Variants in ZNF506 observed in about 807,000 individuals in gnomAD.
The protein encoded by ZNF506 is zinc finger protein 506.
Under a neutral mutation model 11.6 loss-of-function variants are expected in ZNF506, and 10 were observed. That is an observed-to-expected ratio of 0.86 (90% CI 0.53 to 1.46). The LOEUF is 1.46. Ranked by LOEUF, ZNF506 falls within the 40% of genes most tolerant of loss-of-function variation. The pLI is 0.00. For missense variants in ZNF506, 425 were observed against 521.2 expected (o/e 0.82, Z 1.80); for synonymous variants, 156 against 173.3 (o/e 0.90, Z 0.78).
In ZNF506 at chr19:19,794,783, G is replaced by A. The variant is rs558062642; in HGVS notation, c.1104C>T (p.Pro368=). 2 of 1,613,614 alleles carry A rather than the reference G, an allele frequency of 1.2e-6. No homozygotes were observed. Among genetic ancestry groups the A allele is most frequent in the South Asian group, 1.1e-5 (1 of 91,060 alleles). ...KHKRAHTGEK[P]YKCEECGKAF... is the part of the protein sequence containing the mutation. The stretch of plus-strand genomic sequence containing the variant: ...CTTTGCCACATTCTTCACACTTGTA[G>A]GGTTTCTCTCCAGTATGAGCTCTCT... Residue 368 remains proline, a synonymous_variant, in exon 4 of 4, where the codon CCC becomes CCT. Transcript: ENST00000540806.
chr19:19,819,074 C>T (rs932406325), intron 1 of ZNF506, among the ~76,000 whole-genome samples: 4 of 152,156 alleles, frequency 2.6e-5, no homozygotes, highest in Admixed American at 2.0e-4. Flanking sequence ...CCCACCCCAT[C>T]CTGTTCAGGT....
chr19:19,811,793 G>A (rs946282885), intron 1 of ZNF506, among the ~76,000 whole-genome samples: 4 of 151,990 alleles, frequency 2.6e-5, no homozygotes. Context: ...ATAAAAAAAA[G>A]GAAATTATAA....
intron 3 of ZNF506, chr19:19,798,059 T>C (rs1162838094): frequency 1.3e-5 from 2 of 152,148 alleles, no homozygotes; most frequent in Non-Finnish European, 1.5e-5. Context: ...TCTGAAGATA[T>C]GTAAGTTTCT....
Position 19,794,889 on chromosome 19 carries a change from C to T in ZNF506, c.998G>A (p.Arg333Lys), listed in dbSNP as rs759234038. 2.5e-6 allele frequency: 4 copies of T among 1,612,016 alleles called. No homozygotes were observed. In the South Asian group the frequency reaches 3.3e-5, roughly 13 times the overall value. ...NRSSNLTKHK[R>K]IHTGDVPYKC... is the part of the protein sequence containing the mutation. ...GTAGGGTACATCTCCAGTATGAATT[C>T]TCTTATGTTTAGTAAGGTTTGAGGA... The change falls in exon 4 of 4, where the codon AGA becomes AAA. Residue 333 changes from arginine to lysine, a missense_variant. Coordinates refer to ENST00000540806, the MANE Select transcript of ZNF506 (RefSeq NM_001099269.3).
At chr19:19,806,000 G>T in intron 3 of ZNF506, 31 bp downstream of exon 3, 1 of 1,554,736 alleles carries the variant, frequency 6.4e-7, no homozygotes, top group Non-Finnish European at 8.8e-7. Flanking sequence ...TATCTGTGTT[G>T]TCTGTCCTAT....
intron 3 of ZNF506, chr19:19,798,231 CAA>C (rs1187887106): frequency 6.6e-6 from 1 of 151,980 alleles, no homozygotes; most frequent in Non-Finnish European, 1.5e-5. Context: ...AAATCAATAA[CAA>C]ATGTGAAGGT....
chr19:19,800,549 T>C (rs1374177263), intron 3 of ZNF506, among the ~76,000 whole-genome samples: 3 of 151,412 alleles, frequency 2.0e-5, no homozygotes, highest in Non-Finnish European at 4.4e-5. Context: ...CCTGAGTAGC[T>C]GGGACTACAG....
intron 3 of ZNF506, among the ~76,000 whole-genome samples, chr19:19,801,114 T>C (rs1467422006): frequency 1.3e-5 from 2 of 150,314 alleles, no homozygotes; most frequent in African/African-American, 4.9e-5. Context: ...AAGCTAAGAT[T>C]ATGCCATTGT....
At chr19:19,821,547 C>T in intron 1 of ZNF506, 54 bp downstream of exon 1, 1 of 1,613,476 alleles carries the variant, frequency 6.2e-7, no homozygotes, top group Non-Finnish European at 8.5e-7. Context: ...CACTTCCTCC[C>T]CAGTTCCAAC....
intron 1 of ZNF506, among the ~76,000 whole-genome samples, chr19:19,808,012 T>C (rs2062848757): frequency 6.6e-6 from 1 of 150,726 alleles, no homozygotes; most frequent in East Asian, 1.9e-4. Flanking sequence ...TGATGGTTTA[T>C]GCACATCAGC....
chr19:19,816,965 T>G, intron 1 of ZNF506, among the ~76,000 whole-genome samples: 1 of 151,248 alleles, frequency 6.6e-6, no homozygotes, highest in Non-Finnish European at 1.5e-5. Flanking sequence ...GCCTGCCTAA[T>G]TTTTTTTGTA....
chr19:19,808,270 C>T (rs1374615992), intron 1 of ZNF506, among the ~76,000 whole-genome samples: 3 of 150,992 alleles, frequency 2.0e-5, no homozygotes, highest in African/African-American at 7.3e-5. Context: ...ACTACAGGCA[C>T]CCGCCACCAG....
In ZNF506 at chr19:19,797,436, G is replaced by GAAAAAA. The variant is rs77600495; in HGVS notation, c.227-1782_227-1777dup. Reference sequence around the variant, plus strand: ...ACTCCAGGGCGAGACTCCGTCTCAGGAAAAAAAAAAAAAAAAAAACAAATA... The same window carrying GAAAAAA: ...ACTCCAGGGCGAGACTCCGTCTCAGGAAAAAAAAAAAAAAAAAAAAAAAAACAAATA... On this transcript the variant is annotated intron_variant, in intron 3 of 3. Transcript: ENST00000540806. 3 of 95,658 alleles carry GAAAAAA rather than the reference G, an allele frequency of 3.1e-5. No individual in the cohort carries two copies. The South Asian group carries it at 1.1e-3, about 36-fold the overall frequency. The allele number at this position is 95,658 out of a possible 1,614,324, so 5.9% of individuals were successfully genotyped here. A position where few individuals can be genotyped will look rare whatever the true frequency, so the allele number is the denominator to read the frequency against.
chr19:19,799,947 A>G (rs919226159), intron 3 of ZNF506, among the ~76,000 whole-genome samples: 14 of 152,178 alleles, frequency 9.2e-5, no homozygotes, highest in Non-Finnish European at 2.1e-4. Flanking sequence ...GAATTAAAAC[A>G]ATTTGGTATG....
At chr19:19,803,388 T>C (rs1050570354) in intron 3 of ZNF506, among the ~76,000 whole-genome samples, 26 of 152,172 alleles carry the variant, frequency 1.7e-4, no homozygotes, top group African/African-American at 4.6e-4. Flanking sequence ...TCTGCCTACA[T>C]AGAAACCCAC....
chr19:19,801,764 C>G (rs2062795472), intron 3 of ZNF506, among the ~76,000 whole-genome samples: 1 of 151,484 alleles, frequency 6.6e-6, no homozygotes, highest in African/African-American at 2.4e-5. Flanking sequence ...GCAATCCAGC[C>G]TGGGTGACAG....
chr19:19,806,059 C>T lies in ZNF506; in HGVS notation c.198G>A (p.Lys66=). 1 of 1,610,156 alleles carries T rather than the reference C, an allele frequency of 6.2e-7. No homozygotes were observed. Residue 66 remains lysine, a synonymous_variant, in exon 3 of 4, where the codon AAG becomes AAA. Transcript: ENST00000540806. Reference sequence around the variant, plus strand: ...GGGGTTTGGCAATCATCTCATGCCTCTTCATAGTTAAAGGTTTTTTTCCTT... The same window carrying T: ...GGGGTTTGGCAATCATCTCATGCCTTTTCATAGTTAAAGGTTTTTTTCCTT... ...LEQGKKPLTM[K]RHEMIAKPPV... is the part of the protein sequence containing the mutation.
intron 3 of ZNF506, among the ~76,000 whole-genome samples, chr19:19,799,849 AAGAC>A (rs58264358): frequency 0.17 from 25,663 of 150,040 alleles, 2,448 homozygotes; most frequent in East Asian, 0.42. Context: ...GGAATCTAAA[AAGAC>A]AAAGTACCCA....
At position 19,794,015 on chromosome 19, in the gene ZNF506, A is replaced by G. The variant is rs1185516115; in HGVS notation, c.*537T>C. ...TGAATTATCGCCATGTCTCTTAAGA[A>G]TTGAGAACTTGTGGCTGGGCGTCGT... is the stretch of plus-strand genomic sequence containing the variant. On this transcript the variant is annotated 3_prime_UTR_variant, in exon 4 of 4. Transcript: ENST00000540806. 6.5e-6 allele frequency: 1 copy of G among 155,014 alleles called. No homozygotes were observed. The highest frequency in any genetic ancestry group is 1.4e-5 in the Non-Finnish European group (1 of 70,296). 9.6% of individuals were successfully genotyped at this position (155,014 alleles called of 1,614,324 possible).
Sources: gnomAD v4.1 joint callset for allele counts (sites outside exome capture counted in the v4.1 genomes callset) on GRCh38, gnomAD v4.1.1 for gene constraint, MANE v1.5 for transcripts, NCBI Gene and HGNC (gene_info 2026-07-23, HGNC 2026-07-21) for gene names.